Variants in SBF2 observed in about 807,000 individuals in gnomAD.
The protein encoded by SBF2 is SET binding factor 2.
SBF2 carries 112 observed loss-of-function variants against 225.2 expected under a neutral mutation model. That is an observed-to-expected ratio of 0.50 (90% CI 0.43 to 0.58). SBF2 has a LOEUF of 0.58. Ranked by LOEUF, SBF2 falls within the 20% of genes least tolerant of loss-of-function variation. The pLI is 0.00. For missense variants in SBF2, 1,996 were observed against 2,206.2 expected (o/e 0.90, Z 1.91); for synonymous variants, 763 against 773.3 (o/e 0.99, Z 0.22).
At chr11:10,277,119 C>T (rs937319809) in intron 1 of SBF2, among the ~76,000 whole-genome samples, 4 of 124,838 alleles carry the variant, frequency 3.2e-5, no homozygotes, top group Non-Finnish European at 6.4e-5. Context: ...GGCAACAGAG[C>T]GAGACCCCAT....
intron 16 of SBF2, among the ~76,000 whole-genome samples, chr11:9,930,307 T>C (rs1458408876): frequency 6.6e-6 from 1 of 152,206 alleles, no homozygotes; most frequent in African/African-American, 2.4e-5. Flanking sequence ...AGGAATGATC[T>C]ATTGATGCAT....
intron 16 of SBF2, among the ~76,000 whole-genome samples, chr11:9,953,596 A>G (rs1029896012): frequency 6.6e-6 from 1 of 152,188 alleles, no homozygotes; most frequent in Admixed American, 6.5e-5. Context: ...TCTTTTTCCA[A>G]TGTTCCAGCT....
intron 16 of SBF2, among the ~76,000 whole-genome samples, chr11:9,932,095 G>T (rs1294258276): frequency 6.6e-6 from 1 of 152,188 alleles, no homozygotes; most frequent in African/African-American, 2.4e-5. Context: ...AGAGTAAAAA[G>T]CAACAAACGA....
intron 1 of SBF2, among the ~76,000 whole-genome samples, chr11:10,218,575 G>C (rs1342522724): frequency 6.6e-6 from 1 of 152,012 alleles, no homozygotes; most frequent in Non-Finnish European, 1.5e-5. Flanking sequence ...TCCAAGACAA[G>C]ACAAGTCTGT....
At chr11:9,792,720 G>A (rs965130040) in intron 33 of SBF2, among the ~76,000 whole-genome samples, 5 of 151,678 alleles carry the variant, frequency 3.3e-5, no homozygotes, top group South Asian at 4.2e-4. Context: ...CTGAGGCTTC[G>A]GCAATGACAT....
At chr11:9,989,470 AC>A (rs1261343033) in intron 13 of SBF2, 26 bp downstream of exon 13, 2 of 1,327,164 alleles carry the variant, frequency 1.5e-6, no homozygotes, top group Non-Finnish European at 2.2e-6. Flanking sequence ...AAAATTAATG[AC>A]TGTCTAAATA....
chr11:9,876,147 C>T (rs1308754744), intron 17 of SBF2, among the ~76,000 whole-genome samples: 1 of 152,142 alleles, frequency 6.6e-6, no homozygotes, highest in Non-Finnish European at 1.5e-5. Flanking sequence ...AGGTGTATCC[C>T]ACAGTTGAAC....
rs1359726689 is a variant in SBF2, at chr11:10,060,136, C to T, written c.142-17155G>A. On this transcript the variant is annotated intron_variant, in intron 2 of 39. Transcript: ENST00000256190. ...TTAATAAAACAGGCCAATAGCTAGA[C>T]TAATTACGAAGAAAAGAGAGAAAAC... Among the ~76,000 whole-genome samples the T allele has an allele frequency of 2.0e-5, 3 of 151,982 alleles. No individual in the cohort carries two copies. The East Asian group carries it at 5.8e-4, about 29-fold the overall frequency.
intron 2 of SBF2, among the ~76,000 whole-genome samples, chr11:10,175,252 G>C (rs1956404326): frequency 1.3e-5 from 2 of 151,778 alleles, no homozygotes; most frequent in African/African-American, 2.4e-5. Context: ...TCAGTGTTCT[G>C]TATTCAGGAA....
At chr11:10,015,037 C>T (rs767730707) in intron 6 of SBF2, among the ~76,000 whole-genome samples, 5 of 151,944 alleles carry the variant, frequency 3.3e-5, no homozygotes, top group South Asian at 2.1e-4. Flanking sequence ...TGGACGCTGA[C>T]GTAGGAGGAC....
At chr11:10,271,188 T>C (rs1359361359) in intron 1 of SBF2, among the ~76,000 whole-genome samples, 1 of 97,728 alleles carries the variant, frequency 1.0e-5, no homozygotes, top group Non-Finnish European at 2.5e-5. Flanking sequence ...AGGACAGCAA[T>C]CTTGATTCTT....
chr11:10,121,856 C>G, intron 2 of SBF2, among the ~76,000 whole-genome samples: 1 of 152,190 alleles, frequency 6.6e-6, no homozygotes, highest in East Asian at 1.9e-4. Context: ...CTCCATCCAG[C>G]CTCGGACAGA....
chr11:9,976,854 C>T (rs578112585), intron 13 of SBF2, among the ~76,000 whole-genome samples: 56 of 151,954 alleles, frequency 3.7e-4, no homozygotes, highest in Non-Finnish European at 7.4e-4. Context: ...CTGCAACCTC[C>T]ACCTCCCGGG....
intron 1 of SBF2, among the ~76,000 whole-genome samples, chr11:10,248,365 A>T (rs985560490): frequency 1.3e-5 from 2 of 152,248 alleles, no homozygotes; most frequent in African/African-American, 4.8e-5. Flanking sequence ...TACAATTTAA[A>T]GGTGATTAGG....
rs1436600313 is a variant in SBF2, at chr11:10,000,512, A to G, written c.861+402T>C. Reference sequence around the variant, plus strand: ...CTCATACCAAACTTCTGTTCCACTAAAACTCTTCACTCTTTTGCATATGCT... The same window carrying G: ...CTCATACCAAACTTCTGTTCCACTAGAACTCTTCACTCTTTTGCATATGCT... On this transcript the variant is annotated intron_variant, in intron 8 of 39. Transcript: ENST00000256190. 2.0e-5 allele frequency among the ~76,000 whole-genome samples: 3 copies of G among 152,192 alleles called. No individual in the cohort carries two copies. The East Asian group carries it at 5.8e-4, about 29-fold the overall frequency.
At chr11:9,967,951 C>CTGTCTGTCTG (rs1436383200) in intron 14 of SBF2, among the ~76,000 whole-genome samples, 3 of 97,338 alleles carry the variant, frequency 3.1e-5, no homozygotes, top group South Asian at 7.4e-4. Context: ...CTGTCTGTCT[C>CTGTCTGTCTG]TCTCTCTCTC....
chr11:10,259,048 T>C (rs1230963709), intron 1 of SBF2, among the ~76,000 whole-genome samples: 1 of 152,206 alleles, frequency 6.6e-6, no homozygotes, highest in Non-Finnish European at 1.5e-5. Context: ...TGGACTTCTA[T>C]GAGATCTTTA....
chr11:9,861,396 G>A (rs1857726874), intron 17 of SBF2, among the ~76,000 whole-genome samples: 1 of 152,192 alleles, frequency 6.6e-6, no homozygotes, highest in Non-Finnish European at 1.5e-5. Flanking sequence ...AGGCACAGTG[G>A]CTCACGCCTG....
At chr11:10,275,528 A>T (rs1370539029) in intron 1 of SBF2, among the ~76,000 whole-genome samples, 1 of 152,194 alleles carries the variant, frequency 6.6e-6, no homozygotes, top group Non-Finnish European at 1.5e-5. Flanking sequence ...TTCTACAGTA[A>T]AATACATGTA....
Sources: allele counts gnomAD v4.1 joint callset (sites outside exome capture counted in the v4.1 genomes callset), GRCh38; gene constraint gnomAD v4.1.1; transcripts MANE v1.5; gene names NCBI Gene and HGNC (gene_info 2026-07-23, HGNC 2026-07-21).